Variants in GALNT17 observed in about 807,000 individuals in gnomAD.
GALNT17 encodes UDP-GalNAc:polypeptide N-acetylgalactosaminyltransferase-like 3.
Under a neutral mutation model 63.7 loss-of-function variants are expected in GALNT17, and 29 were observed. The observed-to-expected ratio is 0.46, with a 90% CI of 0.34 to 0.62. GALNT17 has a LOEUF of 0.62. GALNT17 is among the 20% of genes least tolerant of loss of function. The probability of loss-of-function intolerance (pLI) is 0.01; values close to 1 mark genes in which losing one functional copy is unlikely to be tolerated. For missense variants in GALNT17, 603 were observed against 799.6 expected (o/e 0.75, Z 2.97); for synonymous variants, 305 against 318.3 (o/e 0.96, Z 0.45).
At chr7:71,542,250 C>T (rs1386412226) in intron 5 of GALNT17, among the ~76,000 whole-genome samples, 1 of 152,032 alleles carries the variant, frequency 6.6e-6, no homozygotes, top group Non-Finnish European at 1.5e-5. Context: ...TATAATTAAA[C>T]AGAACACTTC....
chr7:71,532,702 G>A (rs541709209), intron 5 of GALNT17, among the ~76,000 whole-genome samples: 48 of 152,250 alleles, frequency 3.2e-4, no homozygotes, highest in African/African-American at 1.1e-3. Flanking sequence ...GCTACACTAC[G>A]GGATCTGCTT....
chr7:71,450,221 T>C (rs1259963100), intron 5 of GALNT17, among the ~76,000 whole-genome samples: 1 of 151,236 alleles, frequency 6.6e-6, no homozygotes, highest in Admixed American at 6.6e-5. Context: ...CCGCAAACTC[T>C]GCCTCTCGGG....
intron 1 of GALNT17, among the ~76,000 whole-genome samples, chr7:71,293,515 A>G (rs1269419491): frequency 1.3e-5 from 2 of 152,168 alleles, no homozygotes; most frequent in South Asian, 2.1e-4. Flanking sequence ...AAAAATGTCA[A>G]TTCAGACCTT....
intron 1 of GALNT17, among the ~76,000 whole-genome samples, chr7:71,137,112 T>A (rs567985310): frequency 5.7e-4 from 79 of 138,878 alleles, no homozygotes; most frequent in Admixed American, 1.4e-3. Flanking sequence ...TTGATAGGCC[T>A]TTTAAGGGCT....
intron 5 of GALNT17, among the ~76,000 whole-genome samples, chr7:71,519,304 C>T (rs1458563576): frequency 6.6e-6 from 1 of 152,192 alleles, no homozygotes; most frequent in Non-Finnish European, 1.5e-5. Flanking sequence ...TTAATTCATC[C>T]AATCATTCAT....
chr7:71,521,267 T>C (rs2116751647), intron 5 of GALNT17, among the ~76,000 whole-genome samples: 1 of 152,036 alleles, frequency 6.6e-6, no homozygotes, highest in South Asian at 2.1e-4. Context: ...TCTAGGGCTG[T>C]GTGCTGGTGA....
chr7:71,663,690 G>A (rs34158300), intron 6 of GALNT17, among the ~76,000 whole-genome samples: 4,538 of 152,244 alleles, frequency 0.03, 74 homozygotes, highest in Middle Eastern at 0.065. Flanking sequence ...TGGTATAACC[G>A]AAGTTGGGAA....
At chr7:71,703,361 G>T (rs954238549) in intron 9 of GALNT17, among the ~76,000 whole-genome samples, 6 of 152,184 alleles carry the variant, frequency 3.9e-5, no homozygotes, top group Non-Finnish European at 5.9e-5. Context: ...GCAGGAGCAG[G>T]CACATCAATG....
At chr7:71,653,787 G>A (rs914529101) in intron 6 of GALNT17, among the ~76,000 whole-genome samples, 8 of 152,064 alleles carry the variant, frequency 5.3e-5, no homozygotes, top group African/African-American at 1.7e-4. Flanking sequence ...GCTCCAGGAT[G>A]CAAAGCTCTG....
chr7:71,400,700 A>G (rs1440852977), intron 3 of GALNT17, among the ~76,000 whole-genome samples: 1 of 152,246 alleles, frequency 6.6e-6, no homozygotes, highest in Non-Finnish European at 1.5e-5. Flanking sequence ...TCAATTTAAT[A>G]GTAAGTCCTT....
chr7:71,460,721 T>A lies in GALNT17; in HGVS notation c.962+39616T>A, dbSNP rs983477659. 3.9e-5 allele frequency among the ~76,000 whole-genome samples: 6 copies of A among 152,234 alleles called. No homozygotes were observed. In the East Asian group the frequency reaches 1.2e-3, roughly 29 times the overall value. On this transcript the variant is annotated intron_variant, in intron 5 of 10. Transcript: ENST00000333538. ...GCTGGTTGCCCATTTTTATGGTTATTTCTTGATGATACGCTAAACAAGGGG... is the reference window on the plus strand; with the variant it reads ...GCTGGTTGCCCATTTTTATGGTTATATCTTGATGATACGCTAAACAAGGGG...
intron 3 of GALNT17, among the ~76,000 whole-genome samples, chr7:71,414,351 A>G (rs1237942359): frequency 7.9e-5 from 12 of 152,220 alleles, no homozygotes; most frequent in Admixed American, 7.9e-4. Context: ...TGATAAACCA[A>G]TTATTATTAG....
At chr7:71,380,952 A>C (rs1193068767) in intron 2 of GALNT17, among the ~76,000 whole-genome samples, 1 of 147,242 alleles carries the variant, frequency 6.8e-6, no homozygotes, top group African/African-American at 2.5e-5. Flanking sequence ...GTCTGGGAGG[A>C]GCCTGGGGTT....
At chr7:71,446,485 T>C (rs1165374230) in intron 5 of GALNT17, among the ~76,000 whole-genome samples, 2 of 152,192 alleles carry the variant, frequency 1.3e-5, no homozygotes, top group Non-Finnish European at 2.9e-5. Context: ...TGTATGTACA[T>C]GTTTAAAAGT....
At chr7:71,576,155 T>C (rs1395311942) in intron 6 of GALNT17, among the ~76,000 whole-genome samples, 1 of 152,188 alleles carries the variant, frequency 6.6e-6, no homozygotes, top group Non-Finnish European at 1.5e-5. Flanking sequence ...TGTTCTCTTA[T>C]ATAAAAACAT....
At chr7:71,209,426 G>A (rs1789335279) in intron 1 of GALNT17, among the ~76,000 whole-genome samples, 1 of 152,102 alleles carries the variant, frequency 6.6e-6, no homozygotes, top group Admixed American at 6.6e-5. Flanking sequence ...GGGGGAACTG[G>A]GGCTTCTTGA....
At chr7:71,142,012 C>CTGTGTG (rs201770661) in intron 1 of GALNT17, among the ~76,000 whole-genome samples, 14,806 of 124,640 alleles carry the variant, frequency 0.12, 981 homozygotes, top group East Asian at 0.19. Flanking sequence ...CCACATTTGG[C>CTGTGTG]TGTGTGTGTG....
At chr7:71,590,039 C>T (rs1789775581) in intron 6 of GALNT17, among the ~76,000 whole-genome samples, 1 of 151,754 alleles carries the variant, frequency 6.6e-6, no homozygotes, top group African/African-American at 2.4e-5. Context: ...CATGCCCGTA[C>T]ATGTATTTCA....
chr7:71,477,118 ACT>A (rs1787736550), intron 5 of GALNT17, among the ~76,000 whole-genome samples: 1 of 152,200 alleles, frequency 6.6e-6, no homozygotes, highest in Non-Finnish European at 1.5e-5. Context: ...TGATACTACT[ACT>A]ACTAATAATT....
Sources: gnomAD v4.1 joint callset for allele counts (sites outside exome capture counted in the v4.1 genomes callset) on GRCh38, gnomAD v4.1.1 for gene constraint, MANE v1.5 for transcripts, NCBI Gene and HGNC (gene_info 2026-07-23, HGNC 2026-07-21) for gene names.